Variants in ZNF527 observed in about 807,000 individuals in gnomAD.
The protein encoded by ZNF527 is zinc finger protein 527.
ZNF527 carries 5 observed loss-of-function variants against 13.5 expected under a neutral mutation model. The ratio of observed to expected loss-of-function variants is 0.37; its 90% CI spans 0.19 to 0.78. The LOEUF (loss-of-function observed/expected upper bound fraction) is 0.78. ZNF527 is among the 30% of genes least tolerant of loss of function. The pLI, the probability that ZNF527 is intolerant of heterozygous loss-of-function variation, is 0.48. For missense variants in ZNF527, 628 were observed against 726.4 expected (o/e 0.86, Z 1.56); for synonymous variants, 209 against 243.1 (o/e 0.86, Z 1.30).
intron 2 of ZNF527, among the ~76,000 whole-genome samples, chr19:37,375,311 TTTTCTTTCTTTCTTTC>T (rs1555826993): frequency 2.3e-4 from 18 of 79,836 alleles, no homozygotes; most frequent in Non-Finnish European, 3.6e-4. Flanking sequence ...TCTTTCTTTC[TTTTCTTTCTTTCTTTC>T]TTTCTTTCTT....
intron 4 of ZNF527, among the ~76,000 whole-genome samples, chr19:37,386,499 T>C (rs1350790118): frequency 6.6e-6 from 1 of 152,184 alleles, no homozygotes; most frequent in Non-Finnish European, 1.5e-5. Context: ...TCTAATACAG[T>C]AGCCACTAGC....
At chr19:37,384,502 CA>C (rs891388709) in intron 4 of ZNF527, among the ~76,000 whole-genome samples, 45 of 131,800 alleles carry the variant, frequency 3.4e-4, no homozygotes, top group African/African-American at 7.6e-4. Context: ...GACCCTGTCT[CA>C]AAAAAAAAAA....
chr19:37,372,325 G>T (rs2040564237), intron 1 of ZNF527, among the ~76,000 whole-genome samples: 1 of 151,904 alleles, frequency 6.6e-6, no homozygotes, highest in Non-Finnish European at 1.5e-5. Flanking sequence ...ATTTCAAGCT[G>T]CACTACACTA....
chr19:37,389,458 A>G lies in ZNF527; in HGVS notation c.1409A>G (p.Tyr470Cys), dbSNP rs757248802. 2.5e-6 allele frequency: 4 copies of G among 1,614,124 alleles called. No individual in the cohort carries two copies. Among genetic ancestry groups the G allele is most frequent in the Middle Eastern group, 1.6e-4 (1 of 6,062 alleles). The change falls in exon 5 of 5, where the codon TAT becomes TGT. Residue 470 changes from tyrosine to cysteine, a missense_variant. By Grantham distance (194) the Tyr-to-Cys change is radical. This residue lies in a region of ZNF527 where 592 missense variants were observed against 678.0 expected (regional missense o/e 0.87). Transcript: ENST00000436120. ...AGAATTCATACCGGAGAAAAGCCCT[A>G]TGAATGCATCAAATGTGGGAAGTTT... ...HQRIHTGEKP[Y>C]ECIKCGKFFR...
chr19:37,375,298 CTTTCTTTCTTTCTTTT>C (rs1336394841), intron 2 of ZNF527, among the ~76,000 whole-genome samples: 13 of 103,740 alleles, frequency 1.3e-4, no homozygotes, highest in African/African-American at 3.5e-4. Flanking sequence ...TTCTTTCTTT[CTTTCTTTCTTTCTTTT>C]CTTTCTTTCT....
At chr19:37,380,953 C>T (rs1387885823) in intron 4 of ZNF527, among the ~76,000 whole-genome samples, 1 of 152,002 alleles carries the variant, frequency 6.6e-6, no homozygotes, top group East Asian at 1.9e-4. Flanking sequence ...AGCCCTTATT[C>T]GGTATCTTCT....
chr19:37,389,338 C>A lies in ZNF527; in HGVS notation c.1289C>A (p.Thr430Asn), dbSNP rs775064189. Residue 430 changes from threonine to asparagine, a missense_variant, in exon 5 of 5, where the codon ACT becomes AAT. Physicochemically the swap from Thr to Asn is moderately conservative, Grantham distance 65. Around this residue, in one of 3 missense-constraint regions of ZNF527, gnomAD observed 592 missense variants for 678.0 expected, o/e 0.87. Transcript: ENST00000436120. ...GCCTTCAGCAGACGCATAGCCCTTA[C>A]TCTACATCAAAGAATTCACACAGGA... ...GKAFSRRIAL[T>N]LHQRIHTGEK... The A allele has an allele frequency of 2.5e-6, 4 of 1,613,874 alleles. No individual in the cohort carries two copies. In the African/African-American group the frequency reaches 5.3e-5, roughly 22 times the overall value.
In ZNF527 at chr19:37,380,514, G is replaced by A. The variant is rs1486984449; in HGVS notation, c.256+142G>A. ...TTCCCTAGAAACCTCACCACACCCTGGGGTTTTTTCTTTTTCTTTCCATCA... is the reference window on the plus strand; with the variant it reads ...TTCCCTAGAAACCTCACCACACCCTAGGGTTTTTTCTTTTTCTTTCCATCA... On this transcript the variant is annotated intron_variant, in intron 4 of 4. Transcript: ENST00000436120. The A allele has an allele frequency of 7.0e-6, 4 of 569,974 alleles. No homozygotes were observed. The East Asian group carries it at 1.2e-4, about 17-fold the overall frequency. 35.3% of individuals were successfully genotyped at this position (569,974 alleles called of 1,614,324 possible). A position where few individuals can be genotyped will look rare whatever the true frequency, so the allele number is the denominator to read the frequency against.
At chr19:37,375,141 A>G (rs256735) in intron 2 of ZNF527, among the ~76,000 whole-genome samples, 97,377 of 151,916 alleles carry the variant, frequency 0.64, 32,861 homozygotes, top group African/African-American at 0.86. Flanking sequence ...CAATAATTGA[A>G]TTCTGGATAT....
At chr19:37,379,043 T>G in intron 2 of ZNF527, 77 bp from the exon 3 acceptor site, 1 of 1,573,196 alleles carries the variant, frequency 6.4e-7, no homozygotes, top group African/African-American at 1.4e-5. Flanking sequence ...AGCTTTGAAC[T>G]CTGGCCAAAT....
intron 4 of ZNF527, among the ~76,000 whole-genome samples, chr19:37,383,564 G>A (rs75795839): frequency 1.1e-3 from 158 of 147,054 alleles, no homozygotes; most frequent in Middle Eastern, 3.8e-3. Context: ...TTGAGACAGA[G>A]TTTTTCTCTT....
At chr19:37,375,022 A>G (rs1347757929) in intron 2 of ZNF527, among the ~76,000 whole-genome samples, 1 of 152,200 alleles carries the variant, frequency 6.6e-6, no homozygotes, top group African/African-American at 2.4e-5. Flanking sequence ...TCGTTGTGGC[A>G]TGTGAGAGGA....
chr19:37,375,292 T>TTC (rs1318530113), intron 2 of ZNF527, among the ~76,000 whole-genome samples: 3 of 128,694 alleles, frequency 2.3e-5, no homozygotes, highest in African/African-American at 9.6e-5. Flanking sequence ...CTTTCTTTCT[T>TTC]TCTTTCTTTC....
intron 4 of ZNF527, among the ~76,000 whole-genome samples, chr19:37,383,979 C>G (rs1291614481): frequency 2.0e-5 from 3 of 152,018 alleles, no homozygotes; most frequent in African/African-American, 7.2e-5. Context: ...TGGGCTTAAT[C>G]CTATATATTG....
At chr19:37,377,639 T>C (rs1683491212) in intron 2 of ZNF527, among the ~76,000 whole-genome samples, 1 of 152,212 alleles carries the variant, frequency 6.6e-6, no homozygotes. Flanking sequence ...CATGCTGTAC[T>C]CTGGGGCTCA....
In ZNF527 at chr19:37,389,156, T is replaced by C. The variant is rs1263399782; in HGVS notation, c.1107T>C (p.Arg369=). The C allele has an allele frequency of 6.2e-7, 1 of 1,613,620 alleles. No individual in the cohort carries two copies. The highest frequency in any genetic ancestry group is 1.3e-5 in the African/African-American group (1 of 74,788). Residue 369 remains arginine, a synonymous_variant, in exon 5 of 5, where the codon CGT becomes CGC. Coordinates refer to ENST00000436120, the MANE Select transcript of ZNF527 (RefSeq NM_032453.2). ...ACNECGKAFS[R]YAFLVEHQRI... ...ATGAATGTGGGAAGGCCTTTAGCCG[T>C]TATGCCTTCCTTGTTGAACATCAGA...
Position 37,391,595 on chromosome 19 carries a change from A to G in ZNF527, c.*1716A>G, listed in dbSNP as rs1054640415. 3.3e-5 allele frequency: 5 copies of G among 151,230 alleles called. No individual in the cohort carries two copies. The highest frequency in any genetic ancestry group is 1.2e-4 in the African/African-American group (5 of 41,298). The allele number at this position is 151,230 out of a possible 1,614,324, so 9.4% of individuals were successfully genotyped here. On this transcript the variant is annotated 3_prime_UTR_variant, in exon 5 of 5. Transcript: ENST00000436120. ...AAAAAAAAAAAAAAAAAAAAAATAA[A>G]TAAATAAATAAATAAATAAATTTGG...
rs199808264 is a variant in ZNF527 at position 37,389,844 on chromosome 19, C to T, written c.1795C>T (p.Arg599Ter). The change falls in exon 5 of 5, where the codon CGA becomes TGA. Residue 599 changes from arginine to a stop codon, truncating the protein, a stop_gained. Transcript: ENST00000436120. LOFTEE classifies it high-confidence loss of function. ...TTTTAGCTGTGTCTCAGCCCTTAGA[C>T]GACATCAGAGAATTCATAATAGAGA... The part of the protein sequence containing the change: ...NNFSCVSALR[R>*]HQRIHNRETL 160 of 1,608,516 alleles carry T rather than the reference C, an allele frequency of 9.9e-5. 1 individual carries two copies. The highest frequency in any genetic ancestry group is 1.2e-4 in the Non-Finnish European group (147 of 1,178,410).
chr19:37,381,305 A>G (rs2040651915), intron 4 of ZNF527, among the ~76,000 whole-genome samples: 2 of 152,184 alleles, frequency 1.3e-5, no homozygotes, highest in African/African-American at 4.8e-5. Flanking sequence ...ATACTTGGAC[A>G]TATTAGGTGA....
Sources: gnomAD v4.1 joint callset for allele counts (sites outside exome capture counted in the v4.1 genomes callset) on GRCh38, gnomAD v4.1.1 for gene constraint, gnomAD v4.1.1 regional missense constraint, MANE v1.5 for transcripts, NCBI Gene and HGNC (gene_info 2026-07-23, HGNC 2026-07-21) for gene names.